The following SCHIP1 variants were observed in gnomAD, a reference collection of about 807,000 sequenced individuals.
The protein encoded by SCHIP1 is schwannomin-interacting protein 1.
SCHIP1 carries 8 observed loss-of-function variants against 29.7 expected under a neutral mutation model. That is an observed-to-expected ratio of 0.27 (90% confidence interval 0.16 to 0.49). The LOEUF (loss-of-function observed/expected upper bound fraction) is 0.49. Among genes scored for constraint, SCHIP1 ranks in the 20% least tolerant of loss-of-function variants. The probability of loss-of-function intolerance (pLI) is 0.99; values close to 1 mark genes in which losing one functional copy is unlikely to be tolerated. For missense variants in SCHIP1, 193 were observed against 294.6 expected (o/e 0.66, Z 2.52); for synonymous variants, 76 against 94.9 (o/e 0.80, Z 1.16).
At chr3:159,443,816 C>T in the SCHIP1 span, among the ~76,000 whole-genome samples, 1 of 152,156 alleles carries the variant, frequency 6.6e-6, no homozygotes, top group Non-Finnish European at 1.5e-5. Flanking sequence ...CTACAGTGAA[C>T]TTATTCTAAC....
At chr3:159,847,344 C>A (rs1357500853) in intron 1 of SCHIP1, among the ~76,000 whole-genome samples, 1 of 152,094 alleles carries the variant, frequency 6.6e-6, no homozygotes, top group Non-Finnish European at 1.5e-5. Context: ...GAAGTCATAT[C>A]CCATTATTTA....
At chr3:159,688,687 A>T in the SCHIP1 span, among the ~76,000 whole-genome samples, 1 of 152,168 alleles carries the variant, frequency 6.6e-6, no homozygotes, top group Admixed American at 6.5e-5. Flanking sequence ...CTATGTCCTG[A>T]ATGGTATTGT....
At chr3:159,274,692 GAT>G in the SCHIP1 span, 12 of 819,370 alleles carry the variant, frequency 1.5e-5, no homozygotes, top group African/African-American at 2.2e-4. Flanking sequence ...GACCCCAACA[GAT>G]ATTTTGATTA....
the SCHIP1 span, chr3:159,722,547 C>T: frequency 2.0e-5 from 3 of 152,180 alleles, no homozygotes; most frequent in Non-Finnish European, 2.9e-5. Flanking sequence ...ATTTTTATTT[C>T]CCCAATTGTT....
the SCHIP1 span, among the ~76,000 whole-genome samples, chr3:159,432,202 G>A: frequency 6.6e-6 from 1 of 151,918 alleles, no homozygotes; most frequent in Non-Finnish European, 1.5e-5. Context: ...TTGGCGGGAG[G>A]CCTTAGGAAC....
intron 1 of SCHIP1, chr3:159,845,468 C>T (rs150295258): frequency 2.0e-5 from 3 of 152,010 alleles, no homozygotes; most frequent in Admixed American, 1.3e-4. Flanking sequence ...GTAACCTCCA[C>T]CTCCCGGGTT....
At chr3:159,663,259 G>A in the SCHIP1 span, among the ~76,000 whole-genome samples, 2 of 152,176 alleles carry the variant, frequency 1.3e-5, no homozygotes, top group Non-Finnish European at 2.9e-5. Flanking sequence ...ACTCAGGTCT[G>A]AGGCAGGACT....
At chr3:159,676,102 G>A in the SCHIP1 span, among the ~76,000 whole-genome samples, 1 of 152,200 alleles carries the variant, frequency 6.6e-6, no homozygotes, top group Non-Finnish European at 1.5e-5. Context: ...CTGCACTCCA[G>A]CCTGAGCGAC....
At chr3:159,870,752 A>G (rs991501846) in intron 2 of SCHIP1, among the ~76,000 whole-genome samples, 17 of 152,144 alleles carry the variant, frequency 1.1e-4, no homozygotes, top group Admixed American at 3.3e-4. Context: ...ACATGAATCT[A>G]TTGTATTCTT....
chr3:159,892,978 G>A (rs1167893467), intron 6 of SCHIP1: 1 of 152,228 alleles, frequency 6.6e-6, no homozygotes, highest in East Asian at 1.9e-4. Flanking sequence ...TATTTAGAGA[G>A]TAGAAGGCTC....
the SCHIP1 span, among the ~76,000 whole-genome samples, chr3:159,504,631 G>A: frequency 1.3e-5 from 2 of 152,062 alleles, no homozygotes; most frequent in Non-Finnish European, 2.9e-5. Flanking sequence ...TAGACTCTAA[G>A]CTCCTTTCCT....
At chr3:159,633,809 A>G in the SCHIP1 span, among the ~76,000 whole-genome samples, 3 of 152,228 alleles carry the variant, frequency 2.0e-5, no homozygotes, top group Non-Finnish European at 4.4e-5. Flanking sequence ...TTTCCACTAA[A>G]GAAAGGTTAG....
At chr3:159,521,913 A>G in the SCHIP1 span, among the ~76,000 whole-genome samples, 1 of 152,268 alleles carries the variant, frequency 6.6e-6, no homozygotes, top group Admixed American at 6.5e-5. Context: ...ATATTAAAAT[A>G]CAAGGATTTT....
At chr3:159,610,062 A>G in the SCHIP1 span, among the ~76,000 whole-genome samples, 754 of 152,286 alleles carry the variant, frequency 5.0e-3, 3 homozygotes, top group Middle Eastern at 0.01. Flanking sequence ...TGTAAAGATG[A>G]TATTATTACC....
chr3:159,396,783 C>A, the SCHIP1 span, among the ~76,000 whole-genome samples: 9 of 152,028 alleles, frequency 5.9e-5, no homozygotes, highest in South Asian at 1.2e-3. Flanking sequence ...TTTGGTGAAT[C>A]TGACAATTAT....
At chr3:159,394,895 A>C in the SCHIP1 span, among the ~76,000 whole-genome samples, 1 of 152,162 alleles carries the variant, frequency 6.6e-6, no homozygotes, top group Non-Finnish European at 1.5e-5. Context: ...GAATGGTACC[A>C]GTTCCTCCTT....
the SCHIP1 span, among the ~76,000 whole-genome samples, chr3:159,423,627 C>T: frequency 1.3e-5 from 2 of 150,430 alleles, no homozygotes. Context: ...CCTCTGGGGG[C>T]AGCGCACAGA....
the SCHIP1 span, among the ~76,000 whole-genome samples, chr3:159,530,965 A>C: frequency 6.6e-6 from 1 of 152,140 alleles, no homozygotes; most frequent in Non-Finnish European, 1.5e-5. Flanking sequence ...GCCTATAAAA[A>C]TCCCCAGAAG....
chr3:159,694,483 C>CTCT, the SCHIP1 span, among the ~76,000 whole-genome samples: 129 of 150,696 alleles, frequency 8.6e-4, 4 homozygotes, highest in South Asian at 9.0e-3. Context: ...TGTGCTACTG[C>CTCT]TCTTCAGCCT....
Sources: gnomAD v4.1 joint callset for allele counts (sites outside exome capture counted in the v4.1 genomes callset) on GRCh38, gnomAD v4.1.1 for gene constraint, MANE v1.5 for transcripts, NCBI Gene and HGNC (gene_info 2026-07-23, HGNC 2026-07-21) for gene names.